Variants in NUP155 observed in about 807,000 individuals in gnomAD.
The protein encoded by NUP155 is nuclear pore complex protein Nup155.
A neutral mutation model predicts 180.4 loss-of-function variants in NUP155; 71 were observed. The ratio of observed to expected loss-of-function variants is 0.39; its 90% CI spans 0.33 to 0.48. NUP155 has a LOEUF of 0.48. NUP155 is among the 20% of genes least tolerant of loss of function. The probability of loss-of-function intolerance (pLI) is 0.91; values close to 1 mark genes in which losing one functional copy is unlikely to be tolerated. For synonymous variants in NUP155, 582 were observed against 559.5 expected, an observed-to-expected ratio of 1.04 and a Z score of -0.57; for missense variants, 1,553 against 1,648.9, an observed-to-expected ratio of 0.94 and a Z score of 1.01.
chr5:37,342,971 G>A (rs554296604), intron 9 of NUP155, among the ~76,000 whole-genome samples: 29 of 152,172 alleles, frequency 1.9e-4, no homozygotes, highest in Non-Finnish European at 2.5e-4. Context: ...TCCTGACCTC[G>A]CGTGAGCGTG....
chr5:37,355,525 GT>G (rs1746757979), intron 4 of NUP155, among the ~76,000 whole-genome samples: 2 of 149,558 alleles, frequency 1.3e-5, no homozygotes, highest in African/African-American at 2.5e-5. Flanking sequence ...AAAAAGTACG[GT>G]TAAAGAATGT....
At chr5:37,301,579 AATTT>A in intron 29 of NUP155, 29 bp from the exon 30 acceptor site, 3 of 1,292,448 alleles carry the variant, frequency 2.3e-6, no homozygotes, top group East Asian at 4.6e-5. Flanking sequence ...AGGATGTCTT[AATTT>A]ATTTATGATA....
rs1474357779 is a variant in NUP155, at chr5:37,370,923, G to A, written c.55C>T (p.Leu19=). The A allele has an allele frequency of 6.2e-7, 1 of 1,614,216 alleles. No homozygotes were observed. Among genetic ancestry groups the A allele is most frequent in the Non-Finnish European group, 8.5e-7 (1 of 1,180,048 alleles). Residue 19 remains leucine, a synonymous_variant, in exon 1 of 35, where the codon CTG becomes TTG. Transcript: ENST00000231498. ...AMPASTSAAA[L]QEALENAGRL... ...CCAGCATTTTCCAGAGCTTCCTGCA[G>A]GGCTGCGGCAGATGTAGAGGCCGGC... is the stretch of plus-strand genomic sequence containing the variant.
At chr5:37,351,540 G>A (rs1327367333) in intron 5 of NUP155, among the ~76,000 whole-genome samples, 184 bp from the exon 6 acceptor site, 1 of 151,328 alleles carries the variant, frequency 6.6e-6, no homozygotes, top group Non-Finnish European at 1.5e-5. Flanking sequence ...TCTACCTCCC[G>A]GGTTCATGCC....
At chr5:37,333,380 A>G in intron 13 of NUP155, 83 bp downstream of exon 13, 3 of 1,194,482 alleles carry the variant, frequency 2.5e-6, no homozygotes, top group East Asian at 2.3e-5. Flanking sequence ...AAATTATTCA[A>G]TTAAGCCACT....
At chr5:37,328,660 C>T (rs950842462) in intron 16 of NUP155, among the ~76,000 whole-genome samples, 4 of 152,142 alleles carry the variant, frequency 2.6e-5, no homozygotes, top group African/African-American at 9.7e-5. Flanking sequence ...CACACCACCA[C>T]AGGCCGGCTA....
At chr5:37,338,315 C>T (rs1347976271) in intron 11 of NUP155, among the ~76,000 whole-genome samples, 1 of 111,450 alleles carries the variant, frequency 9.0e-6, no homozygotes, top group Non-Finnish European at 1.7e-5. Context: ...AAGATTCCGT[C>T]TCAAAAAAAA....
intron 3 of NUP155, among the ~76,000 whole-genome samples, chr5:37,361,076 C>T (rs1747184676): frequency 6.6e-6 from 1 of 151,754 alleles, no homozygotes; most frequent in South Asian, 2.1e-4. Flanking sequence ...CAAGACCAGC[C>T]TAGTCAATAT....
chr5:37,296,245 G>C (rs1405496397), intron 32 of NUP155, among the ~76,000 whole-genome samples: 1 of 152,220 alleles, frequency 6.6e-6, no homozygotes, highest in African/African-American at 2.4e-5. Flanking sequence ...GGGGGGAAAG[G>C]TGGGGAAAAG....
chr5:37,365,711 G>GAAAAAAAAAAAAAAAAAAAAAAAA (rs1747518236), intron 1 of NUP155, among the ~76,000 whole-genome samples: 1 of 34,004 alleles, frequency 2.9e-5, no homozygotes. Flanking sequence ...CTGTCTCGGG[G>GAAAAAAAAAAAAAAAAAAAAAAAA]AGAAAAAAAA....
chr5:37,340,398 T>C (rs1745635294), intron 11 of NUP155, among the ~76,000 whole-genome samples: 2 of 151,886 alleles, frequency 1.3e-5, no homozygotes, highest in African/African-American at 2.4e-5. Flanking sequence ...TGAGCAGAGA[T>C]TGTGCTACTG....
chr5:37,294,020 A>AAAAAAAAAAAAAAT lies in NUP155; in HGVS notation c.3930+308_3930+309insATTTTTTTTTTTTT, dbSNP rs1282780746. 2.4e-4 allele frequency among the ~76,000 whole-genome samples: 18 copies of AAAAAAAAAAAAAAT among 75,994 alleles called. 1 individual carries two copies. Among genetic ancestry groups the AAAAAAAAAAAAAAT allele is most frequent in the Non-Finnish European group, 3.8e-4 (18 of 47,406 alleles). 49.9% of individuals were successfully genotyped at this position (75,994 alleles called of 152,430 possible). On this transcript the variant is annotated intron_variant, in intron 33 of 34. Coordinates refer to ENST00000231498, the MANE Select transcript of NUP155 (RefSeq NM_153485.3). ...GACGCCGTCTCAAAAAAAAAAAAAA[A>AAAAAAAAAAAAAAT]AAAAAAAATAAAGCAAATGATGATT...
chr5:37,319,897 G>T (rs1005299792), intron 20 of NUP155, among the ~76,000 whole-genome samples: 1 of 152,026 alleles, frequency 6.6e-6, no homozygotes, highest in Non-Finnish European at 1.5e-5. Context: ...AACACCTCAA[G>T]TAAGGGTGGA....
Position 37,291,990 on chromosome 5 carries a change from A to G in NUP155, c.4086T>C (p.Val1362=). The change falls in exon 35 of 35, where the codon GTT becomes GTC. Residue 1362 remains valine (V), a synonymous_variant. Transcript: ENST00000231498. ...CTGACGAGCTCATAGACTGGAGCTC[A>G]ACAAGGTAACCACAAACAGCATCCA... is the stretch of plus-strand genomic sequence containing the variant. ...LCLDAVCGYL[V]ELQSMSSSVA... 1 of 1,613,984 alleles carries G rather than the reference A, an allele frequency of 6.2e-7. No homozygotes were observed. The highest frequency in any genetic ancestry group is 8.5e-7 in the Non-Finnish European group (1 of 1,179,834).
rs1368646225 is a variant in NUP155 at position 37,348,582 on chromosome 5, T to C, written c.918A>G (p.Gly306=). 6.2e-7 allele frequency: 1 copy of C among 1,605,040 alleles called. No homozygotes were observed. Among genetic ancestry groups the C allele is most frequent in the East Asian group, 2.2e-5 (1 of 44,814 alleles). Reference sequence around the variant, plus strand: ...CTCTGCTCATTCCTTGTCCATCTTGTCCCAAATCATACACCTGTGAATACA... The same window carrying C: ...CTCTGCTCATTCCTTGTCCATCTTGCCCCAAATCATACACCTGTGAATACA... ...EKGVIQVYDL[G]QDGQGMSRVA... The change falls in exon 9 of 35, where the codon GGA becomes GGG. Residue 306 remains glycine, a synonymous_variant. Coordinates refer to ENST00000231498, the MANE Select transcript of NUP155 (RefSeq NM_153485.3).
intron 3 of NUP155, among the ~76,000 whole-genome samples, chr5:37,359,589 C>T (rs938659521): frequency 1.3e-5 from 2 of 152,138 alleles, no homozygotes; most frequent in African/African-American, 4.8e-5. Context: ...ATCTGCTATA[C>T]CTTAGCCAAG....
rs750119981 is a variant in NUP155 at position 37,341,077 on chromosome 5, T to C, written c.1246+13A>G. On this transcript the variant is annotated intron_variant, in intron 11 of 34. Coordinates refer to ENST00000231498, the MANE Select transcript of NUP155 (RefSeq NM_153485.3). ...GAATATAATCTTAAATCTGATAGTA[T>C]TTCAGAACTTACCTTTACTATAAAG... The C allele has an allele frequency of 4.4e-6, 7 of 1,587,628 alleles. No homozygotes were observed. Among genetic ancestry groups the C allele is most frequent in the African/African-American group, 2.7e-5 (2 of 74,354 alleles).
intron 4 of NUP155, among the ~76,000 whole-genome samples, chr5:37,355,559 A>T (rs868806149): frequency 0.02 from 2,745 of 138,278 alleles, 65 homozygotes; most frequent in African/African-American, 0.066. Context: ...ATATATATAT[A>T]TATTTATTTA....
chr5:37,340,661 A>G (rs951122406), intron 11 of NUP155, among the ~76,000 whole-genome samples: 2 of 152,194 alleles, frequency 1.3e-5, no homozygotes, highest in Non-Finnish European at 1.5e-5. Context: ...TTTTCAACAA[A>G]TGGTGCTCAG....
Sources: gnomAD v4.1 joint callset for allele counts (sites outside exome capture counted in the v4.1 genomes callset) on GRCh38, gnomAD v4.1.1 for gene constraint, MANE v1.5 for transcripts, NCBI Gene and HGNC (gene_info 2026-07-23, HGNC 2026-07-21) for gene names.